The following SAMD5 variants were observed in gnomAD, a reference collection of about 807,000 sequenced individuals.
SAMD5 encodes the protein sterile alpha motif domain-containing protein 5.
A neutral mutation model predicts 11.3 loss-of-function variants in SAMD5; 13 were observed. That is an observed-to-expected ratio of 1.15 (90% confidence interval 0.75 to 1.83). The LOEUF (loss-of-function observed/expected upper bound fraction) is 1.83. SAMD5 is among the 40% of genes most tolerant of loss of function. SAMD5 has a pLI of 0.00. For missense variants in SAMD5, 255 were observed against 239.1 expected (o/e 1.07, Z -0.44); for synonymous variants, 129 against 111.3 (o/e 1.16, Z -1.00).
At chr6:147,748,248 T>C in the SAMD5 span, among the ~76,000 whole-genome samples, 10 of 152,294 alleles carry the variant, frequency 6.6e-5, no homozygotes, top group African/African-American at 2.4e-4. Context: ...AGTCTCTTGG[T>C]ATGTGTGTGG....
chr6:147,537,625 G>T (rs1258202711), intron 1 of SAMD5, among the ~76,000 whole-genome samples: 1 of 152,034 alleles, frequency 6.6e-6, no homozygotes, highest in Non-Finnish European at 1.5e-5. Context: ...GTGGTGGCGG[G>T]CACCTGTAGT....
the SAMD5 span, among the ~76,000 whole-genome samples, chr6:147,877,180 A>T: frequency 9.8e-5 from 15 of 152,296 alleles, no homozygotes; most frequent in East Asian, 2.9e-3. Flanking sequence ...AGTGCACAAT[A>T]CCTGGCGCAT....
the SAMD5 span, among the ~76,000 whole-genome samples, chr6:147,851,145 T>C: frequency 6.6e-6 from 1 of 152,054 alleles, no homozygotes; most frequent in Non-Finnish European, 1.5e-5. Context: ...GGTTTCGCCA[T>C]GTTGGCCAGG....
intron 1 of SAMD5, among the ~76,000 whole-genome samples, chr6:147,640,118 G>C (rs1313818178): frequency 3.3e-5 from 5 of 152,006 alleles, no homozygotes; most frequent in African/African-American, 4.8e-5. Context: ...ACGAGGTAAA[G>C]AGATCGCGAC....
rs1455982665 is a variant in SAMD5 at position 147,509,247 on chromosome 6, C to T, written c.319C>T (p.Arg107Cys). Residue 107 changes from arginine (R) to cysteine (C), a missense_variant, in exon 1 of 2, where the codon CGC becomes TGC. By Grantham distance (180) the Arg-to-Cys change is radical. Transcript: ENST00000367474. ...EPCGGPAQGT[R>C]GDSRGHTTAP... ...GTGCGGCGGCCCGGCCCAGGGCACCCGCGGGGACTCTCGCGGCCACACGAC... is the reference window on the plus strand; with the variant it reads ...GTGCGGCGGCCCGGCCCAGGGCACCTGCGGGGACTCTCGCGGCCACACGAC... 6.6e-7 allele frequency: 1 copy of T among 1,509,754 alleles called. No individual in the cohort carries two copies. Among genetic ancestry groups the T allele is most frequent in the Non-Finnish European group, 8.8e-7 (1 of 1,130,794 alleles). The allele number at this position is 1,509,754 out of a possible 1,614,324, so 93.5% of individuals were successfully genotyped here. A position where few individuals can be genotyped will look rare whatever the true frequency, so the allele number is the denominator to read the frequency against.
chr6:147,519,177 A>G (rs1422417152), intron 1 of SAMD5, among the ~76,000 whole-genome samples: 1 of 152,322 alleles, frequency 6.6e-6, no homozygotes, highest in Non-Finnish European at 1.5e-5. Context: ...TAATGCACAG[A>G]TTTGACAAAT....
the SAMD5 span, chr6:147,953,791 A>G: frequency 3.3e-5 from 5 of 152,234 alleles, no homozygotes; most frequent in African/African-American, 9.6e-5. Flanking sequence ...TGTCTATGCC[A>G]CTAATACATC....
chr6:147,620,295 G>A (rs1023478178), intron 1 of SAMD5, among the ~76,000 whole-genome samples: 3 of 152,148 alleles, frequency 2.0e-5, no homozygotes, highest in Non-Finnish European at 4.4e-5. Context: ...GATGATTCTT[G>A]TCTCTTCTGC....
the SAMD5 span, among the ~76,000 whole-genome samples, chr6:147,882,668 G>A: frequency 1.3e-5 from 2 of 152,172 alleles, no homozygotes; most frequent in African/African-American, 2.4e-5. Flanking sequence ...GTGTTGATAC[G>A]GCATTTGTTC....
chr6:147,659,739 C>T (rs868800399), intron 1 of SAMD5, among the ~76,000 whole-genome samples: 68 of 152,288 alleles, frequency 4.5e-4, no homozygotes, highest in Middle Eastern at 3.4e-3. Context: ...AAATATCTCT[C>T]TCTATATATA....
rs954743856 is a variant in SAMD5 at position 147,508,778 on chromosome 6, G to C, written c.-151G>C. 1 of 1,216,954 alleles carries C rather than the reference G, an allele frequency of 8.2e-7. No individual in the cohort carries two copies. The highest frequency in any genetic ancestry group is 1.6e-5 in the African/African-American group (1 of 62,402). The allele number at this position is 1,216,954 out of a possible 1,614,324, so 75.4% of individuals were successfully genotyped here. On this transcript the variant is annotated 5_prime_UTR_variant, in exon 1 of 2. Coordinates refer to ENST00000367474, the MANE Select transcript of SAMD5 (RefSeq NM_001030060.3). ...CTCAGGCTTCTTCTGATGGTTTTCC[G>C]TCTCCTGCCCGAGCCTTTCCTTTAA...
chr6:147,645,399 CAAT>C (rs1227972142), intron 1 of SAMD5, among the ~76,000 whole-genome samples: 1 of 152,080 alleles, frequency 6.6e-6, no homozygotes, highest in Non-Finnish European at 1.5e-5. Flanking sequence ...TAAGCCCACG[CAAT>C]ATAATTTTAA....
intron 1 of SAMD5, among the ~76,000 whole-genome samples, chr6:147,594,709 A>T (rs1327816049): frequency 6.6e-6 from 1 of 152,198 alleles, no homozygotes; most frequent in Non-Finnish European, 1.5e-5. Context: ...AACTGTAAAC[A>T]TGCTTCACTA....
At chr6:147,581,945 C>A (rs1263766467) in intron 1 of SAMD5, among the ~76,000 whole-genome samples, 1 of 151,920 alleles carries the variant, frequency 6.6e-6, no homozygotes, top group Non-Finnish European at 1.5e-5. Flanking sequence ...GATAAAGACA[C>A]AGAAGGGAAT....
chr6:147,762,191 A>C, the SAMD5 span, among the ~76,000 whole-genome samples: 1 of 152,090 alleles, frequency 6.6e-6, no homozygotes, highest in African/African-American at 2.4e-5. Flanking sequence ...AATGAATAAC[A>C]GTGGCAAAAG....
At chr6:147,741,427 C>T (rs1168054653), downstream of SAMD5, 2 of 152,130 alleles carry the variant, frequency 1.3e-5, no homozygotes, top group Non-Finnish European at 2.9e-5. Context: ...CTGAATTGAG[C>T]AATTACTTCA....
chr6:147,680,469 A>G (rs1321203643), intron 1 of SAMD5, among the ~76,000 whole-genome samples: 2 of 152,106 alleles, frequency 1.3e-5, no homozygotes, highest in African/African-American at 2.4e-5. Flanking sequence ...GCGAATAATA[A>G]TGGTCTTAGG....
chr6:147,926,604 T>A, the SAMD5 span, among the ~76,000 whole-genome samples: 2 of 152,192 alleles, frequency 1.3e-5, no homozygotes, highest in Admixed American at 6.5e-5. Context: ...TTTGAAAATA[T>A]GTTCTCCCCT....
intron 1 of SAMD5, among the ~76,000 whole-genome samples, chr6:147,611,655 C>T (rs1255319994): frequency 6.6e-6 from 1 of 152,102 alleles, no homozygotes; most frequent in African/African-American, 2.4e-5. Flanking sequence ...TAATGTGAAA[C>T]GTGAAGGGCA....
Sources: allele counts gnomAD v4.1 joint callset (sites outside exome capture counted in the v4.1 genomes callset), GRCh38; gene constraint gnomAD v4.1.1; transcripts MANE v1.5; gene names NCBI Gene and HGNC (gene_info 2026-07-23, HGNC 2026-07-21).